NRXN3: variants seen among roughly 807,000 people sequenced by gnomAD.
NRXN3 encodes the protein neurexin III.
NRXN3 carries 32 observed loss-of-function variants against 137.6 expected under a neutral mutation model. That is an observed-to-expected ratio of 0.23 (90% CI 0.18 to 0.31). The LOEUF (loss-of-function observed/expected upper bound fraction) is 0.31. Among genes scored for constraint, NRXN3 ranks in the 10% least tolerant of loss-of-function variants. NRXN3 has a pLI of 1.00. For synonymous variants in NRXN3, 798 were observed against 784.5 expected, an observed-to-expected ratio of 1.02 and a Z score of -0.29; for missense variants, 1,574 against 2,062.5, an observed-to-expected ratio of 0.76 and a Z score of 4.59.
intron 15 of NRXN3, among the ~76,000 whole-genome samples, chr14:79,249,264 A>G (rs760149479): frequency 3.9e-5 from 6 of 152,194 alleles, no homozygotes; most frequent in Non-Finnish European, 7.3e-5. Context: ...GGTACTCATT[A>G]CAAAACTGTG....
intron 19 of NRXN3, among the ~76,000 whole-genome samples, chr14:79,713,600 C>G (rs1444062114): frequency 8.4e-6 from 1 of 119,334 alleles, no homozygotes. Context: ...TATATACATA[C>G]ATATACATAT....
At chr14:78,793,824 G>A (rs1362021616) in intron 8 of NRXN3, among the ~76,000 whole-genome samples, 1 of 152,100 alleles carries the variant, frequency 6.6e-6, no homozygotes, top group African/African-American at 2.4e-5. Context: ...CAAGGCCCTA[G>A]GCTTGCAAAA....
At chr14:78,932,515 A>G (rs1316791101) in intron 10 of NRXN3, among the ~76,000 whole-genome samples, 2 of 152,202 alleles carry the variant, frequency 1.3e-5, no homozygotes, top group Non-Finnish European at 2.9e-5. Context: ...TGCATTGGAT[A>G]CAATATTCCA....
intron 16 of NRXN3, among the ~76,000 whole-genome samples, chr14:79,486,949 CTCTCTCTCTCT>C (rs2096662159): frequency 1.3e-5 from 2 of 150,452 alleles, no homozygotes; most frequent in Admixed American, 6.7e-5. Context: ...CTCTCTCTCT[CTCTCTCTCTCT>C]CCCACACACA....
intron 16 of NRXN3, among the ~76,000 whole-genome samples, chr14:79,576,667 A>G (rs2097667666): frequency 6.6e-6 from 1 of 152,094 alleles, no homozygotes; most frequent in African/African-American, 2.4e-5. Context: ...CCCGCTGACC[A>G]TGGATCGGAT....
At chr14:78,377,848 A>G (rs563384496) in intron 4 of NRXN3, among the ~76,000 whole-genome samples, 1 of 152,370 alleles carries the variant, frequency 6.6e-6, no homozygotes, top group Non-Finnish European at 1.5e-5. Flanking sequence ...GAGCTTCAAC[A>G]TATGAATTGG....
chr14:79,485,671 T>G (rs534127635), intron 16 of NRXN3, among the ~76,000 whole-genome samples: 1 of 150,388 alleles, frequency 6.6e-6, no homozygotes, highest in African/African-American at 2.5e-5. Flanking sequence ...TAGCACATCA[T>G]ATTCCAGGTA....
intron 10 of NRXN3, among the ~76,000 whole-genome samples, chr14:78,842,020 C>T (rs1213516479): frequency 1.3e-5 from 2 of 152,140 alleles, no homozygotes; most frequent in Non-Finnish European, 2.9e-5. Flanking sequence ...ACTACCATAA[C>T]AGCAACAACC....
chr14:78,941,025 G>C (rs887333583), intron 10 of NRXN3, among the ~76,000 whole-genome samples: 21 of 152,122 alleles, frequency 1.4e-4, no homozygotes, highest in Admixed American at 1.4e-3. Context: ...CTGTGTTAGG[G>C]GATGGCAGTC....
At chr14:78,241,330 A>G (rs2067054767) in intron 1 of NRXN3, among the ~76,000 whole-genome samples, 1 of 152,102 alleles carries the variant, frequency 6.6e-6, no homozygotes, top group South Asian at 2.1e-4. Context: ...GTCACCTCCT[A>G]TGTATAAAGC....
At chr14:79,032,227 A>G (rs905326285) in intron 15 of NRXN3, among the ~76,000 whole-genome samples, 8 of 152,144 alleles carry the variant, frequency 5.3e-5, no homozygotes, top group African/African-American at 1.7e-4. Flanking sequence ...TGCCTCCAAC[A>G]ACTTGAAGCT....
chr14:79,710,580 A>G (rs2098799772), intron 19 of NRXN3, among the ~76,000 whole-genome samples: 1 of 152,206 alleles, frequency 6.6e-6, no homozygotes. Context: ...AAGGAGTACT[A>G]TGATCTGGTT....
At chr14:78,469,620 A>G (rs1429550839) in intron 4 of NRXN3, among the ~76,000 whole-genome samples, 2 of 152,210 alleles carry the variant, frequency 1.3e-5, no homozygotes, top group African/African-American at 2.4e-5. Flanking sequence ...CCCAACCTGG[A>G]TCAACACCTG....
intron 15 of NRXN3, among the ~76,000 whole-genome samples, chr14:79,064,700 C>T (rs751272255): frequency 2.4e-4 from 32 of 133,348 alleles, no homozygotes; most frequent in Non-Finnish European, 4.3e-4. Flanking sequence ...ATATAATTAC[C>T]CATATATATT....
intron 15 of NRXN3, among the ~76,000 whole-genome samples, chr14:79,021,377 C>T (rs145152800): frequency 1.3e-5 from 2 of 152,308 alleles, no homozygotes; most frequent in African/African-American, 4.8e-5. Flanking sequence ...CAGCTTCATG[C>T]TGGCTTGAAT....
chr14:78,743,751 G>T (rs2152932286), intron 8 of NRXN3, among the ~76,000 whole-genome samples: 1 of 152,304 alleles, frequency 6.6e-6, no homozygotes, highest in South Asian at 2.1e-4. Context: ...AACCTTGTAT[G>T]CCGAGTAGGA....
chr14:78,640,487 T>C (rs575244690), intron 4 of NRXN3, among the ~76,000 whole-genome samples: 2 of 152,334 alleles, frequency 1.3e-5, no homozygotes, highest in South Asian at 2.1e-4. Flanking sequence ...ACTTCTTAGA[T>C]TGCATAGTAA....
At chr14:78,655,551 T>C (rs917092150) in intron 6 of NRXN3, among the ~76,000 whole-genome samples, 2 of 152,192 alleles carry the variant, frequency 1.3e-5, no homozygotes, top group Non-Finnish European at 2.9e-5. Context: ...GGTCATTTAT[T>C]TGACACTATG....
intron 4 of NRXN3, among the ~76,000 whole-genome samples, chr14:78,392,495 G>A (rs1331740712): frequency 2.6e-5 from 4 of 152,138 alleles, no homozygotes; most frequent in African/African-American, 9.7e-5. Context: ...TAAGACTGGG[G>A]GCTACAGGGC....
Sources: allele counts gnomAD v4.1 joint callset (sites outside exome capture counted in the v4.1 genomes callset), GRCh38; gene constraint gnomAD v4.1.1; transcripts MANE v1.5; gene names NCBI Gene and HGNC (gene_info 2026-07-23, HGNC 2026-07-21).